Variants in CA8 observed in about 807,000 individuals in gnomAD.
The protein encoded by CA8 is carbonic anhydrase-related protein.
Under a neutral mutation model 41.4 loss-of-function variants are expected in CA8, and 22 were observed. That is an observed-to-expected ratio of 0.53 (90% confidence interval 0.38 to 0.76). CA8 has a LOEUF of 0.76. Among genes scored for constraint, CA8 ranks in the 30% least tolerant of loss-of-function variants. The pLI, the probability that CA8 is intolerant of heterozygous loss-of-function variation, is 0.00. For missense variants in CA8, 270 were observed against 352.8 expected (o/e 0.77, Z 1.88); for synonymous variants, 121 against 130.6 (o/e 0.93, Z 0.50).
intron 3 of CA8, among the ~76,000 whole-genome samples, chr8:60,240,648 T>C (rs1807992698): frequency 6.6e-6 from 1 of 151,806 alleles, no homozygotes; most frequent in Non-Finnish European, 1.5e-5. Context: ...CACTATAGAG[T>C]ATAGCTTCAC....
chr8:60,227,547 T>C (rs1429541959), intron 4 of CA8, among the ~76,000 whole-genome samples: 1 of 152,172 alleles, frequency 6.6e-6, no homozygotes, highest in Admixed American at 6.5e-5. Flanking sequence ...AATATAAAAA[T>C]ATCAAGGATA....
chr8:60,271,952 T>C (rs537404077), intron 2 of CA8, among the ~76,000 whole-genome samples: 2 of 152,328 alleles, frequency 1.3e-5, no homozygotes, highest in African/African-American at 2.4e-5. Flanking sequence ...AAATGATACA[T>C]GTGGCAGCCT....
intron 8 of CA8, among the ~76,000 whole-genome samples, chr8:60,190,320 A>T (rs1422314629): frequency 6.6e-6 from 1 of 150,996 alleles, no homozygotes; most frequent in East Asian, 1.9e-4. Context: ...AGTTCTTGTC[A>T]TTCATTTCAC....
intron 3 of CA8, among the ~76,000 whole-genome samples, chr8:60,254,709 T>C (rs1808566699): frequency 6.6e-6 from 1 of 152,186 alleles, no homozygotes; most frequent in Admixed American, 6.5e-5. Context: ...CCCTTAGTTA[T>C]ATCCATGGTT....
chr8:60,201,941 T>G (rs1806444225), intron 8 of CA8, among the ~76,000 whole-genome samples: 1 of 142,920 alleles, frequency 7.0e-6, no homozygotes, highest in African/African-American at 2.6e-5. Context: ...AATATCTGAA[T>G]TTTTAAGGGC....
At chr8:60,215,879 C>T (rs907598414) in intron 7 of CA8, among the ~76,000 whole-genome samples, 2 of 152,172 alleles carry the variant, frequency 1.3e-5, no homozygotes, top group African/African-American at 4.8e-5. Context: ...TTCAATGTTG[C>T]TAGTGCCAAT....
intron 3 of CA8, among the ~76,000 whole-genome samples, chr8:60,234,611 C>A (rs575798218): frequency 6.6e-6 from 1 of 152,282 alleles, no homozygotes; most frequent in Admixed American, 6.5e-5. Flanking sequence ...CTTCAGCCAA[C>A]CCAAGCTAAC....
intron 3 of CA8, among the ~76,000 whole-genome samples, chr8:60,238,812 G>A (rs1439953637): frequency 6.6e-6 from 1 of 151,946 alleles, no homozygotes; most frequent in Non-Finnish European, 1.5e-5. Flanking sequence ...CCTCACAACA[G>A]CCTCCCCATT....
chr8:60,264,433 C>T (rs910835267), intron 3 of CA8, among the ~76,000 whole-genome samples: 6 of 152,216 alleles, frequency 3.9e-5, no homozygotes, highest in East Asian at 1.9e-4. Context: ...TTGTGACCCG[C>T]GACCCAGTGG....
rs35486936 is a variant in CA8 at position 60,190,938 on chromosome 8, C to CTATATATATA, written c.*36-963_*36-954dup. Reference sequence around the variant, plus strand: ...GTGGACACACCTGCACACACACACACTATATATATATATATATATACACAC... The same window carrying CTATATATATA: ...GTGGACACACCTGCACACACACACACTATATATATATATATATATATATATATATACACAC... On this transcript the variant is annotated intron_variant, in intron 8 of 8. Coordinates refer to ENST00000317995, the MANE Select transcript of CA8 (RefSeq NM_004056.6). 5.9e-4 allele frequency among the ~76,000 whole-genome samples: 69 copies of CTATATATATA among 117,366 alleles called. 2 individuals are homozygous for CTATATATATA. Among genetic ancestry groups the CTATATATATA allele is most frequent in the African/African-American group, 2.3e-3 (67 of 29,276 alleles). The allele number at this position is 117,366 out of a possible 152,430, so 77.0% of individuals were successfully genotyped here.
At chr8:60,224,447 TAAC>T in intron 6 of CA8, 87 bp downstream of exon 6, 1 of 798,574 alleles carries the variant, frequency 1.3e-6, no homozygotes, top group Non-Finnish European at 2.2e-6. Flanking sequence ...TTTTATTAAT[TAAC>T]AATATATAGT....
rs1309806066 is a variant in CA8, at chr8:60,187,291, C to T, written c.*2730G>A. The T allele has an allele frequency of 6.6e-6, 1 of 151,950 alleles. No individual in the cohort carries two copies. The highest frequency in any genetic ancestry group is 2.4e-5 in the African/African-American group (1 of 41,406). 9.4% of individuals were successfully genotyped at this position (151,950 alleles called of 1,614,324 possible). On this transcript the variant is annotated 3_prime_UTR_variant, in exon 9 of 9. Coordinates refer to ENST00000317995, the MANE Select transcript of CA8 (RefSeq NM_004056.6). ...ACCTTGAGATGAATGAAAACAAAAA[C>T]ATGGCATACCAAAACTTATTGGATG...
chr8:60,281,386 G>A lies in CA8; in HGVS notation c.-239C>T, dbSNP rs1029886912. 1 of 544,628 alleles carries A rather than the reference G, an allele frequency of 1.8e-6. No individual in the cohort carries two copies. The allele number at this position is 544,628 out of a possible 1,614,324, so 33.7% of individuals were successfully genotyped here. A position where few individuals can be genotyped will look rare whatever the true frequency, so the allele number is the denominator to read the frequency against. ...GTCCGGAGGCCCCAGCAGAGCGAGG[G>A]AGCGGCTGTGGCCTGGGGAGCGAGC... On this transcript the variant is annotated 5_prime_UTR_variant, in exon 1 of 9. Transcript: ENST00000317995.
intron 7 of CA8, among the ~76,000 whole-genome samples, chr8:60,210,773 G>A (rs901510902): frequency 6.6e-6 from 1 of 152,128 alleles, no homozygotes; most frequent in Non-Finnish European, 1.5e-5. Context: ...TATTTACATA[G>A]AGAAGCCAGT....
intron 8 of CA8, among the ~76,000 whole-genome samples, chr8:60,207,767 T>C (rs140870561): frequency 6.6e-6 from 1 of 152,334 alleles, no homozygotes; most frequent in East Asian, 1.9e-4. Context: ...TTTGTTTCAT[T>C]TTGTTTGAGA....
chr8:60,206,932 T>C (rs1364093352), intron 8 of CA8, among the ~76,000 whole-genome samples: 1 of 151,898 alleles, frequency 6.6e-6, no homozygotes, highest in Non-Finnish European at 1.5e-5. Context: ...CTATTTCTTT[T>C]GTTTAAAAAA....
At chr8:60,195,866 G>C (rs563206949) in intron 8 of CA8, among the ~76,000 whole-genome samples, 4 of 152,234 alleles carry the variant, frequency 2.6e-5, no homozygotes, top group African/African-American at 9.6e-5. Flanking sequence ...CGGGTCATGA[G>C]AGAAGGAAAC....
At chr8:60,232,547 T>C in intron 3 of CA8, 168 bp from the exon 4 acceptor site, 1 of 676,126 alleles carries the variant, frequency 1.5e-6, no homozygotes, top group Admixed American at 2.1e-5. Context: ...TATGAATTCC[T>C]TCCTTCTTAT....
chr8:60,229,172 T>C (rs376590465), intron 4 of CA8, among the ~76,000 whole-genome samples: 1 of 149,738 alleles, frequency 6.7e-6, no homozygotes, highest in East Asian at 2.0e-4. Flanking sequence ...TTTTTTTTTG[T>C]TTTTTACTTC....
Sources: allele counts gnomAD v4.1 joint callset (sites outside exome capture counted in the v4.1 genomes callset), GRCh38; gene constraint gnomAD v4.1.1; transcripts MANE v1.5; gene names NCBI Gene and HGNC (gene_info 2026-07-23, HGNC 2026-07-21).